The following GPCPD1 variants were observed in gnomAD, a reference collection of about 807,000 sequenced individuals.
GPCPD1 encodes the protein glycerophosphocholine phosphodiesterase GPCPD1.
In GPCPD1, 29 loss-of-function variants were observed where a neutral mutation model predicts 89.2. The observed-to-expected ratio is 0.33, with a 90% CI of 0.24 to 0.44. The LOEUF is 0.44. Among genes scored for constraint, GPCPD1 ranks in the 20% least tolerant of loss-of-function variants. GPCPD1 has a pLI of 1.00. For synonymous variants in GPCPD1, 258 were observed against 266.3 expected, an observed-to-expected ratio of 0.97 and a Z score of 0.30; for missense variants, 594 against 808.9, an observed-to-expected ratio of 0.73 and a Z score of 3.22.
chr20:5,550,682 A>G (rs1167286375), intron 19 of GPCPD1, among the ~76,000 whole-genome samples: 2 of 152,268 alleles, frequency 1.3e-5, no homozygotes, highest in African/African-American at 2.4e-5. Flanking sequence ...CTAAAATTCT[A>G]AAGTATTTCT....
chr20:5,589,224 C>A (rs1365432847), intron 4 of GPCPD1, among the ~76,000 whole-genome samples: 2 of 152,118 alleles, frequency 1.3e-5, no homozygotes, highest in African/African-American at 2.4e-5. Context: ...AAAAAAGAAC[C>A]TAGTTTTAAA....
intron 6 of GPCPD1, 47 bp downstream of exon 6, chr20:5,584,234 A>C (rs757524230): frequency 1.1e-6 from 1 of 871,040 alleles, no homozygotes; most frequent in Admixed American, 1.9e-5. Context: ...GTAAAGTAAC[A>C]ATCTCAATCA....
chr20:5,579,213 ACATATAATATT>A (rs1978318295), intron 7 of GPCPD1, among the ~76,000 whole-genome samples: 1 of 152,090 alleles, frequency 6.6e-6, no homozygotes, highest in Non-Finnish European at 1.5e-5. Flanking sequence ...ATTATTAAAC[ACATATAATATT>A]CAAAAATTTT....
chr20:5,607,550 C>T (rs1300465969), intron 1 of GPCPD1, among the ~76,000 whole-genome samples: 3 of 151,942 alleles, frequency 2.0e-5, no homozygotes, highest in East Asian at 1.9e-4. Flanking sequence ...TGCACTCCAG[C>T]CTGGGCAACA....
At chr20:5,572,307 C>A (rs554732087) in intron 11 of GPCPD1, among the ~76,000 whole-genome samples, 3 of 152,070 alleles carry the variant, frequency 2.0e-5, no homozygotes, top group African/African-American at 4.8e-5. Context: ...TAATAAATAT[C>A]ATATTTTCAA....
Position 5,570,426 on chromosome 20 carries a change from CAAAAAAAAA to C in GPCPD1, c.1057-196_1057-188del, listed in dbSNP as rs36030193. 3.6e-3 allele frequency among the ~76,000 whole-genome samples: 311 copies of C among 86,046 alleles called. 7 individuals carry two copies. The highest frequency in any genetic ancestry group is 0.013 in the African/African-American group (291 of 22,822). 56.4% of individuals were successfully genotyped at this position (86,046 alleles called of 152,430 possible). A position where few individuals can be genotyped will look rare whatever the true frequency, so the allele number is the denominator to read the frequency against. ...CAAAAGCACAGCTACTTTTTCCTGG[CAAAAAAAAA>C]AAAAAAAAAAAACGGACACAGATTC... is the stretch of plus-strand genomic sequence containing the variant. On this transcript the variant is annotated intron_variant, in intron 11 of 19. Transcript: ENST00000379019.
intron 19 of GPCPD1, chr20:5,549,056 A>C (rs1985211650): frequency 4.6e-6 from 3 of 654,404 alleles, no homozygotes; most frequent in African/African-American, 3.6e-5. Flanking sequence ...GGCTCTGTAC[A>C]ACCATATCCA....
At chr20:5,608,542 A>G (rs2078851389) in intron 1 of GPCPD1, among the ~76,000 whole-genome samples, 1 of 152,176 alleles carries the variant, frequency 6.6e-6, no homozygotes, top group Admixed American at 6.6e-5. Flanking sequence ...CCAAAACAGC[A>G]GTGACCAAGT....
intron 1 of GPCPD1, among the ~76,000 whole-genome samples, chr20:5,605,081 T>C (rs909951399): frequency 3.9e-5 from 6 of 152,200 alleles, no homozygotes; most frequent in African/African-American, 7.2e-5. Flanking sequence ...CTCAATTACT[T>C]GGGAAGTATC....
At position 5,547,825 on chromosome 20, in the gene GPCPD1, G is replaced by A; in HGVS notation, c.1855C>T (p.Pro619Ser). The change falls in exon 20 of 20, where the codon CCA becomes TCA. Residue 619 changes from proline to serine, a missense_variant. By Grantham distance (74) the Pro-to-Ser change is moderately conservative. Coordinates refer to ENST00000379019, the MANE Select transcript of GPCPD1 (RefSeq NM_019593.5). ...AATTGCTCCACTTGGAATATATTTGGTTGTTCAGGCATCCAATCATATATC... is the reference window on the plus strand; with the variant it reads ...AATTGCTCCACTTGGAATATATTTGATTGTTCAGGCATCCAATCATATATC... ...DRIYDWMPEQ[P>S]NIFQVEQLER... is the part of the protein sequence containing the mutation. 1.2e-6 allele frequency: 2 copies of A among 1,601,976 alleles called. No individual in the cohort carries two copies. Among genetic ancestry groups the A allele is most frequent in the Non-Finnish European group, 1.7e-6 (2 of 1,170,798 alleles).
chr20:5,559,062 G>A (rs1985937772), intron 17 of GPCPD1, among the ~76,000 whole-genome samples: 2 of 151,962 alleles, frequency 1.3e-5, no homozygotes, highest in South Asian at 2.1e-4. Context: ...AATTAGCCGA[G>A]TATCATGCAC....
intron 4 of GPCPD1, among the ~76,000 whole-genome samples, chr20:5,587,976 T>C (rs1979046087): frequency 6.6e-6 from 1 of 152,168 alleles, no homozygotes. Context: ...CTAAATAAAA[T>C]TCTCTTTTTC....
chr20:5,587,312 TCAC>T (rs1386910645), intron 4 of GPCPD1, among the ~76,000 whole-genome samples: 2 of 151,818 alleles, frequency 1.3e-5, no homozygotes, highest in African/African-American at 4.8e-5. Flanking sequence ...TTAGGGATAA[TCAC>T]CATCAAGATT....
chr20:5,606,641 C>T (rs908952153), intron 1 of GPCPD1, among the ~76,000 whole-genome samples: 2 of 152,136 alleles, frequency 1.3e-5, no homozygotes, highest in East Asian at 1.9e-4. Flanking sequence ...CTGGGAGTGG[C>T]ACTCCTAGCA....
In GPCPD1 at chr20:5,547,857, T is replaced by C. The variant is rs776663403; in HGVS notation, c.1830-7A>G. On this transcript the variant is annotated splice_polypyrimidine_tract_variant and splice_region_variant and intron_variant, in intron 19 of 19. Coordinates refer to ENST00000379019, the MANE Select transcript of GPCPD1 (RefSeq NM_019593.5). The stretch of plus-strand genomic sequence containing the variant: ...AGGCATCCAATCATATATCCTATGA[T>C]GAAACAAATACAAAACACATAAAAT... 4 of 1,529,136 alleles carry C rather than the reference T, an allele frequency of 2.6e-6. No individual in the cohort carries two copies. The highest frequency in any genetic ancestry group is 4.5e-5 in the East Asian group (2 of 43,974). The allele number at this position is 1,529,136 out of a possible 1,614,324, so 94.7% of individuals were successfully genotyped here.
At chr20:5,590,873 G>C (rs1264819482) in intron 4 of GPCPD1, among the ~76,000 whole-genome samples, 3 of 152,032 alleles carry the variant, frequency 2.0e-5, no homozygotes, top group Non-Finnish European at 1.5e-5. Context: ...ATGAAAGTTA[G>C]AAACATAGAT....
chr20:5,581,088 C>T (rs1978447131), intron 6 of GPCPD1, among the ~76,000 whole-genome samples: 2 of 151,948 alleles, frequency 1.3e-5, no homozygotes. Flanking sequence ...AAGCTGGTCT[C>T]AAACTCCTAA....
chr20:5,562,552 G>T (rs1042560515), intron 15 of GPCPD1, among the ~76,000 whole-genome samples: 3 of 152,350 alleles, frequency 2.0e-5, no homozygotes, highest in Middle Eastern at 3.4e-3. Context: ...GAAGTGCTGG[G>T]ATTACAGGCG....
rs766067813 is a variant in GPCPD1 at position 5,602,964 on chromosome 20, CAG to C, written c.49+1398_49+1399del. Among the ~76,000 whole-genome samples the C allele has an allele frequency of 2.6e-4, 35 of 135,026 alleles. 2 individuals are homozygous for C. Among genetic ancestry groups the C allele is most frequent in the Admixed American group, 1.3e-3 (16 of 12,020 alleles). The allele number at this position is 135,026 out of a possible 152,430, so 88.6% of individuals were successfully genotyped here. A position where few individuals can be genotyped will look rare whatever the true frequency, so the allele number is the denominator to read the frequency against. ...CGTCATTGCACTCCAGCCTAGGCAACAGAGTGAGACTCCATCTCAATTAAAAA... is the reference window on the plus strand; with the variant it reads ...CGTCATTGCACTCCAGCCTAGGCAACAGTGAGACTCCATCTCAATTAAAAA... On this transcript the variant is annotated intron_variant, in intron 2 of 19. Transcript: ENST00000379019.
Sources: allele counts gnomAD v4.1 joint callset (sites outside exome capture counted in the v4.1 genomes callset), GRCh38; gene constraint gnomAD v4.1.1; transcripts MANE v1.5; gene names NCBI Gene and HGNC (gene_info 2026-07-23, HGNC 2026-07-21).